The following CNTNAP2 variants were observed in gnomAD, a reference collection of about 807,000 sequenced individuals.
CNTNAP2 encodes the protein contactin associated protein 2.
In CNTNAP2, 98 loss-of-function variants were observed where a neutral mutation model predicts 155.2. The ratio of observed to expected loss-of-function variants is 0.63; its 90% confidence interval spans 0.54 to 0.75. CNTNAP2 has a LOEUF of 0.75. Ranked by LOEUF, CNTNAP2 falls within the 30% of genes least tolerant of loss-of-function variation. The pLI, the probability that CNTNAP2 is intolerant of heterozygous loss-of-function variation, is 0.00. For missense variants in CNTNAP2, 1,727 were observed against 1,688.1 expected, an observed-to-expected ratio of 1.02 and a Z score of -0.40; for synonymous variants, 651 against 631.2, an observed-to-expected ratio of 1.03 and a Z score of -0.47.
rs76528478 is a variant in CNTNAP2 at position 147,724,283 on chromosome 7, G to T, written c.2098+84977G>T. 7.4e-3 allele frequency among the ~76,000 whole-genome samples: 1,120 copies of T among 152,020 alleles called. 22 individuals are homozygous for T. Among genetic ancestry groups the T allele is most frequent in the African/African-American group, 0.026 (1,080 of 41,482 alleles). ...CATTCTAGCTATTTGTACAATACAG[G>T]CTTTCTTCTCCAAGGTTTCCATAGA... On this transcript the variant is annotated intron_variant, in intron 13 of 23. Coordinates refer to ENST00000361727, the MANE Select transcript of CNTNAP2 (RefSeq NM_014141.6).
chr7:146,574,545 G>T (rs1190903584), intron 1 of CNTNAP2, among the ~76,000 whole-genome samples: 2 of 151,980 alleles, frequency 1.3e-5, no homozygotes, highest in Middle Eastern at 3.2e-3. Flanking sequence ...TACTAAAAAT[G>T]CAACAATTAG....
intron 3 of CNTNAP2, among the ~76,000 whole-genome samples, chr7:146,901,477 T>C (rs956459987): frequency 1.3e-5 from 2 of 152,186 alleles, no homozygotes; most frequent in Admixed American, 6.5e-5. Flanking sequence ...TTTGTCAATG[T>C]TCTAAATAAT....
At chr7:146,241,044 C>T (rs1449046287) in intron 1 of CNTNAP2, among the ~76,000 whole-genome samples, 1 of 152,070 alleles carries the variant, frequency 6.6e-6, no homozygotes, top group African/African-American at 2.4e-5. Flanking sequence ...TTTTAAACAA[C>T]CAGATCTCAT....
In CNTNAP2 at chr7:146,730,936, C is replaced by A. The variant is rs959270096; in HGVS notation, c.98-43335C>A. Among the ~76,000 whole-genome samples, 7 of 152,252 alleles carry A rather than the reference C, an allele frequency of 4.6e-5. No homozygotes were observed. The South Asian group carries it at 8.3e-4, about 18-fold the overall frequency. On this transcript the variant is annotated intron_variant, in intron 1 of 23. Coordinates refer to ENST00000361727, the MANE Select transcript of CNTNAP2 (RefSeq NM_014141.6). ...ACATCAGCTTCCATTTTCAAAGGAA[C>A]CTTCTATCCACAGAACACAAACTAG...
intron 15 of CNTNAP2, among the ~76,000 whole-genome samples, chr7:148,093,494 G>A (rs1057270893): frequency 1.3e-5 from 2 of 152,204 alleles, no homozygotes; most frequent in African/African-American, 4.8e-5. Flanking sequence ...AATGGGAAGA[G>A]CTATAAAGTC....
chr7:147,970,938 T>C (rs1351971303), intron 14 of CNTNAP2, among the ~76,000 whole-genome samples: 3 of 152,338 alleles, frequency 2.0e-5, no homozygotes, highest in African/African-American at 7.2e-5. Context: ...TTTAAATATC[T>C]TGACTCTTGT....
chr7:146,627,909 A>G (rs1241248024), intron 1 of CNTNAP2, among the ~76,000 whole-genome samples: 1 of 152,098 alleles, frequency 6.6e-6, no homozygotes, highest in South Asian at 2.1e-4. Flanking sequence ...TTCAGCTTCA[A>G]TTCCTCAGTT....
Position 148,301,306 on chromosome 7 carries a change from A to AAAAATAT in CNTNAP2, c.3475+34181_3475+34182insAAATATA. ...GAGACTCCGTCTAAAAAAAAAAAAA[A>AAAAATAT]ATATATATATATATATAGGTTAAAA... On this transcript the variant is annotated intron_variant, in intron 21 of 23. Coordinates refer to ENST00000361727, the MANE Select transcript of CNTNAP2 (RefSeq NM_014141.6). 4.4e-3 allele frequency among the ~76,000 whole-genome samples: 455 copies of AAAAATAT among 103,806 alleles called. 7 individuals carry two copies. Among genetic ancestry groups the AAAAATAT allele is most frequent in the African/African-American group, 0.016 (426 of 26,554 alleles). 68.1% of individuals were successfully genotyped at this position (103,806 alleles called of 152,430 possible).
intron 8 of CNTNAP2, among the ~76,000 whole-genome samples, chr7:147,261,496 G>A (rs1198680787): frequency 6.6e-6 from 1 of 151,760 alleles, no homozygotes; most frequent in Non-Finnish European, 1.5e-5. Context: ...ACCAATATTT[G>A]GAAGCTCTAG....
At chr7:148,354,249 A>G (rs1386864689) in intron 21 of CNTNAP2, among the ~76,000 whole-genome samples, 2 of 138,224 alleles carry the variant, frequency 1.4e-5, no homozygotes, top group Non-Finnish European at 3.0e-5. Flanking sequence ...TTGTGCAAAT[A>G]CTAGCATTAA....
intron 21 of CNTNAP2, among the ~76,000 whole-genome samples, chr7:148,293,435 A>G (rs1797228526): frequency 6.6e-6 from 1 of 152,216 alleles, no homozygotes; most frequent in Non-Finnish European, 1.5e-5. Context: ...CGGTAAGTCA[A>G]TAGTCAAAGC....
chr7:146,405,824 A>AT lies in CNTNAP2; in HGVS notation c.97+288851_97+288852insT, dbSNP rs572895748. 2.5e-4 allele frequency among the ~76,000 whole-genome samples: 38 copies of AT among 152,352 alleles called. No individual in the cohort carries two copies. The East Asian group carries it at 7.3e-3, about 29-fold the overall frequency. On this transcript the variant is annotated intron_variant, in intron 1 of 23. Coordinates refer to ENST00000361727, the MANE Select transcript of CNTNAP2 (RefSeq NM_014141.6). ...ATTTACACCTACTGTGTTAAAAAAA[A>AT]GTTTAACCTTTTTAGGACAGAATGG...
In CNTNAP2 at chr7:146,126,835, T is replaced by A. The variant is rs558974433; in HGVS notation, c.97+9862T>A. Among the ~76,000 whole-genome samples the A allele has an allele frequency of 9.2e-5, 14 of 152,336 alleles. No individual in the cohort carries two copies. The South Asian group carries it at 1.7e-3, about 18-fold the overall frequency. On this transcript the variant is annotated intron_variant, in intron 1 of 23. Coordinates refer to ENST00000361727, the MANE Select transcript of CNTNAP2 (RefSeq NM_014141.6). Reference sequence around the variant, plus strand: ...TCTTTAAAATATTTGCCAGTCCTAATGCTTAAATATTTCTTGTATCCATCC... The same window carrying A: ...TCTTTAAAATATTTGCCAGTCCTAAAGCTTAAATATTTCTTGTATCCATCC...
intron 11 of CNTNAP2, among the ~76,000 whole-genome samples, chr7:147,519,462 T>C (rs562708526): frequency 2.2e-4 from 34 of 152,248 alleles, no homozygotes; most frequent in Non-Finnish European, 4.6e-4. Flanking sequence ...CCTTTTGTCA[T>C]ATAAAGTAAT....
intron 9 of CNTNAP2, among the ~76,000 whole-genome samples, chr7:147,304,507 C>T (rs1235170933): frequency 3.3e-5 from 5 of 152,018 alleles, no homozygotes; most frequent in Admixed American, 6.6e-5. Flanking sequence ...TTTATTTCCT[C>T]TTTTGTTATC....
intron 8 of CNTNAP2, among the ~76,000 whole-genome samples, chr7:147,149,736 G>T (rs1801789114): frequency 6.6e-6 from 1 of 152,148 alleles, no homozygotes; most frequent in Non-Finnish European, 1.5e-5. Context: ...TAGATACATA[G>T]ATAGAACAGA....
intron 1 of CNTNAP2, among the ~76,000 whole-genome samples, chr7:146,165,394 T>C (rs954693904): frequency 9.2e-5 from 14 of 152,202 alleles, no homozygotes; most frequent in African/African-American, 2.9e-4. Flanking sequence ...TACCAAACAG[T>C]CTTAAAATCT....
At chr7:147,882,283 A>ATTTTCAGT (rs1799534395) in intron 13 of CNTNAP2, among the ~76,000 whole-genome samples, 3 of 152,224 alleles carry the variant, frequency 2.0e-5, no homozygotes, top group Non-Finnish European at 4.4e-5. Context: ...AATAGAGTCC[A>ATTTTCAGT]GATCTCCTGG....
chr7:146,570,528 A>T (rs1408603649), intron 1 of CNTNAP2, among the ~76,000 whole-genome samples: 1 of 152,208 alleles, frequency 6.6e-6, no homozygotes, highest in Non-Finnish European at 1.5e-5. Context: ...GACATCTAAA[A>T]ATTGAAGCAG....
Sources: gnomAD v4.1 joint callset for allele counts (sites outside exome capture counted in the v4.1 genomes callset) on GRCh38, gnomAD v4.1.1 for gene constraint, MANE v1.5 for transcripts, NCBI Gene and HGNC (gene_info 2026-07-23, HGNC 2026-07-21) for gene names.